EPHA5: variants seen among roughly 807,000 people sequenced by gnomAD.
EPHA5 encodes the protein EPH receptor A5.
Under a neutral mutation model 105.0 loss-of-function variants are expected in EPHA5, and 60 were observed. The observed-to-expected ratio is 0.57, with a 90% CI of 0.46 to 0.71. The LOEUF (loss-of-function observed/expected upper bound fraction) is 0.71. Ranked by LOEUF, EPHA5 falls within the 30% of genes least tolerant of loss-of-function variation. EPHA5 has a pLI of 0.00. For synonymous variants in EPHA5, 513 were observed against 449.1 expected, an observed-to-expected ratio of 1.14 and a Z score of -1.80; for missense variants, 1,218 against 1,274.7, an observed-to-expected ratio of 0.96 and a Z score of 0.68.
At chr4:65,616,750 C>A (rs1035402843) in intron 2 of EPHA5, among the ~76,000 whole-genome samples, 1 of 151,920 alleles carries the variant, frequency 6.6e-6, no homozygotes. Flanking sequence ...TTCTACTCTG[C>A]ATTTATTTCT....
chr4:65,402,033 G>A (rs1721891359), intron 8 of EPHA5, among the ~76,000 whole-genome samples: 1 of 152,092 alleles, frequency 6.6e-6, no homozygotes, highest in African/African-American at 2.4e-5. Flanking sequence ...GAGACCAGGT[G>A]GAGGTAATTG....
At chr4:65,469,371 C>G (rs1374636398) in intron 5 of EPHA5, among the ~76,000 whole-genome samples, 2 of 152,098 alleles carry the variant, frequency 1.3e-5, no homozygotes, top group African/African-American at 4.8e-5. Flanking sequence ...GGCCTATTAA[C>G]TAGGGTGCGA....
intron 5 of EPHA5, among the ~76,000 whole-genome samples, chr4:65,462,161 G>C (rs1728189220): frequency 6.6e-6 from 1 of 152,102 alleles, no homozygotes; most frequent in Admixed American, 6.6e-5. Context: ...GAGCACTAAT[G>C]TGGTCACGGG....
intron 2 of EPHA5, among the ~76,000 whole-genome samples, chr4:65,613,055 A>G (rs1744918676): frequency 6.6e-6 from 1 of 152,084 alleles, no homozygotes; most frequent in South Asian, 2.1e-4. Flanking sequence ...TTTAATAGAC[A>G]GTAGAAAATA....
At chr4:65,605,186 G>T (rs1312923876) in intron 2 of EPHA5, among the ~76,000 whole-genome samples, 3 of 152,194 alleles carry the variant, frequency 2.0e-5, no homozygotes, top group Admixed American at 2.0e-4. Flanking sequence ...TTCCCTCAGG[G>T]CTCTGAAAAT....
intron 8 of EPHA5, among the ~76,000 whole-genome samples, chr4:65,382,274 A>C (rs978694055): frequency 2.2e-4 from 34 of 151,948 alleles, no homozygotes; most frequent in African/African-American, 7.9e-4. Flanking sequence ...ACATATTTAG[A>C]AAACACTTCA....
chr4:65,587,820 G>A (rs1261517999), intron 3 of EPHA5, among the ~76,000 whole-genome samples: 5 of 151,990 alleles, frequency 3.3e-5, no homozygotes, highest in Non-Finnish European at 7.3e-5. Flanking sequence ...TCAGTCTGAG[G>A]TCTGAAAATA....
At chr4:65,376,116 C>T (rs559910534) in intron 8 of EPHA5, among the ~76,000 whole-genome samples, 109 of 151,914 alleles carry the variant, frequency 7.2e-4, no homozygotes, top group Non-Finnish European at 1.3e-3. Flanking sequence ...TTTTAAGCAA[C>T]AAAAATTACT....
At chr4:65,630,801 A>G (rs1746560404) in intron 2 of EPHA5, among the ~76,000 whole-genome samples, 1 of 152,168 alleles carries the variant, frequency 6.6e-6, no homozygotes, top group African/African-American at 2.4e-5. Context: ...GCCTAGCTGA[A>G]GTCATTTTAC....
At chr4:65,386,772 A>G (rs1720137198) in intron 8 of EPHA5, among the ~76,000 whole-genome samples, 2 of 152,042 alleles carry the variant, frequency 1.3e-5, no homozygotes, top group African/African-American at 4.8e-5. Context: ...TTAAATATAT[A>G]TGGCAAAATA....
intron 5 of EPHA5, among the ~76,000 whole-genome samples, chr4:65,482,072 T>TCAGGA (rs1730419179): frequency 6.6e-6 from 1 of 151,972 alleles, no homozygotes; most frequent in Non-Finnish European, 1.5e-5. Flanking sequence ...ACGAGGCAGG[T>TCAGGA]GTATCACCTG....
intron 3 of EPHA5, among the ~76,000 whole-genome samples, chr4:65,562,539 C>T (rs1391708760): frequency 1.3e-5 from 2 of 151,894 alleles, no homozygotes; most frequent in Non-Finnish European, 2.9e-5. Flanking sequence ...AGAAGCAGTT[C>T]ATATAAAAAT....
chr4:65,607,734 G>A (rs1297111084), intron 2 of EPHA5, among the ~76,000 whole-genome samples: 1 of 152,182 alleles, frequency 6.6e-6, no homozygotes, highest in Non-Finnish European at 1.5e-5. Context: ...ACTGTTGGTG[G>A]GAGTGTAAAT....
At chr4:65,592,491 G>T (rs1742761518) in intron 3 of EPHA5, among the ~76,000 whole-genome samples, 1 of 151,514 alleles carries the variant, frequency 6.6e-6, no homozygotes, top group African/African-American at 2.4e-5. Flanking sequence ...ACATCCTCAA[G>T]AGGACTCCGA....
chr4:65,410,309 C>A lies in EPHA5; in HGVS notation c.1687+3975G>T, dbSNP rs559446984. Among the ~76,000 whole-genome samples, 36 of 152,186 alleles carry A rather than the reference C, an allele frequency of 2.4e-4. No individual in the cohort carries two copies. In the East Asian group the frequency reaches 6.9e-3, roughly 29 times the overall value. On this transcript the variant is annotated intron_variant, in intron 7 of 16. Transcript: ENST00000613740. ...CATGCTAAGTGAAAAAAGCCAATTC[C>A]AAATTAAAAGGCACGTACTGCATGT...
intron 16 of EPHA5, chr4:65,331,256 T>C (rs545701705): frequency 9.7e-7 from 1 of 1,029,892 alleles, no homozygotes; most frequent in African/African-American, 1.7e-5. Context: ...AAATAACAAT[T>C]AGGCTAAAAC....
At chr4:65,551,558 A>G (rs748679233) in intron 3 of EPHA5, among the ~76,000 whole-genome samples, 8 of 152,148 alleles carry the variant, frequency 5.3e-5, no homozygotes, top group East Asian at 1.9e-4. Context: ...AATGATCACT[A>G]CTTTTCTTAG....
intron 3 of EPHA5, among the ~76,000 whole-genome samples, chr4:65,538,894 A>G (rs1226690671): frequency 6.6e-6 from 1 of 151,676 alleles, no homozygotes; most frequent in African/African-American, 2.4e-5. Flanking sequence ...ATTACCTTAG[A>G]TCCAACACTC....
chr4:65,502,771 T>C (rs992925827), intron 3 of EPHA5, among the ~76,000 whole-genome samples: 1 of 151,762 alleles, frequency 6.6e-6, no homozygotes, highest in African/African-American at 2.4e-5. Context: ...AATAAGTTGT[T>C]CTGACAAAAA....
Sources: allele counts gnomAD v4.1 joint callset (sites outside exome capture counted in the v4.1 genomes callset), GRCh38; gene constraint gnomAD v4.1.1; transcripts MANE v1.5; gene names NCBI Gene and HGNC (gene_info 2026-07-23, HGNC 2026-07-21).